Variants in PIK3C2G observed in about 807,000 individuals in gnomAD.
The protein encoded by PIK3C2G is phosphatidylinositol 3-kinase C2 domain-containing subunit gamma.
In PIK3C2G, 168 loss-of-function variants were observed where a neutral mutation model predicts 181.1. The observed-to-expected ratio is 0.93, with a 90% confidence interval of 0.82 to 1.05. The LOEUF is 1.05. PIK3C2G is among the 50% of genes least tolerant of loss of function. The probability of loss-of-function intolerance (pLI) is 0.00; values close to 1 mark genes in which losing one functional copy is unlikely to be tolerated. For missense variants in PIK3C2G, 1,869 were observed against 1,732.8 expected (o/e 1.08, Z -1.40); for synonymous variants, 573 against 592.2 (o/e 0.97, Z 0.47).
At chr12:18,394,988 TTTC>T (rs1943767541) in intron 15 of PIK3C2G, among the ~76,000 whole-genome samples, 2 of 151,552 alleles carry the variant, frequency 1.3e-5, no homozygotes, top group Non-Finnish European at 3.0e-5. Flanking sequence ...CCTTTCTTTC[TTTC>T]TTTTCTTTCT....
chr12:18,529,390 T>C (rs1943423461), intron 24 of PIK3C2G, among the ~76,000 whole-genome samples: 1 of 152,178 alleles, frequency 6.6e-6, no homozygotes, highest in Admixed American at 6.6e-5. Flanking sequence ...GTTAAGCTCA[T>C]GTAAGTTAAA....
intron 16 of PIK3C2G, among the ~76,000 whole-genome samples, chr12:18,400,657 T>A (rs1024270061): frequency 1.4e-4 from 22 of 152,034 alleles, no homozygotes; most frequent in African/African-American, 5.3e-4. Context: ...CTTTTAAAGA[T>A]TTATTTACCA....
chr12:18,614,207 G>A (rs1008721986), intron 31 of PIK3C2G, among the ~76,000 whole-genome samples: 2 of 151,890 alleles, frequency 1.3e-5, no homozygotes, highest in Non-Finnish European at 2.9e-5. Flanking sequence ...TCCAGAGTTG[G>A]CCCATTTTGA....
chr12:18,506,899 G>A (rs1941871648), intron 24 of PIK3C2G, among the ~76,000 whole-genome samples: 1 of 151,918 alleles, frequency 6.6e-6, no homozygotes, highest in Non-Finnish European at 1.5e-5. Context: ...CCATAACCTG[G>A]CATTAAAATG....
chr12:18,440,733 G>A (rs1365747758), intron 18 of PIK3C2G, among the ~76,000 whole-genome samples: 1 of 151,898 alleles, frequency 6.6e-6, no homozygotes, highest in Non-Finnish European at 1.5e-5. Context: ...TAGGGGTAAG[G>A]GCAGGTTATA....
intron 18 of PIK3C2G, among the ~76,000 whole-genome samples, chr12:18,485,508 G>A (rs1939938963): frequency 6.6e-6 from 1 of 152,060 alleles, no homozygotes; most frequent in Non-Finnish European, 1.5e-5. Flanking sequence ...ACTTAATACT[G>A]TCAAAATCTT....
At chr12:18,459,054 G>A (rs1592312382) in intron 18 of PIK3C2G, among the ~76,000 whole-genome samples, 1 of 152,026 alleles carries the variant, frequency 6.6e-6, no homozygotes, top group Admixed American at 6.6e-5. Flanking sequence ...CTGGACTTCT[G>A]ACTTACAGAA....
Position 18,385,818 on chromosome 12 carries a change from G to A in PIK3C2G, c.1995+3938G>A, listed in dbSNP as rs145491701. Among the ~76,000 whole-genome samples the A allele has an allele frequency of 3.0e-3, 452 of 152,040 alleles. 2 individuals are homozygous for A. Among genetic ancestry groups the A allele is most frequent in the African/African-American group, 9.9e-3 (409 of 41,478 alleles). On this transcript the variant is annotated intron_variant, in intron 14 of 32. Transcript: ENST00000538779. ...TGACCTCAGGTAATCCACCTATCTC[G>A]GACCCCCAAAGTGCTGGGATCTATG...
chr12:18,701,707 C>G, the PIK3C2G span: 5 of 1,611,774 alleles, frequency 3.1e-6, no homozygotes, highest in Admixed American at 1.7e-5. Flanking sequence ...TTATCAGAAC[C>G]TTTTCTTTCA....
At chr12:18,627,855 C>T (rs1037553834) in intron 31 of PIK3C2G, among the ~76,000 whole-genome samples, 2 of 152,082 alleles carry the variant, frequency 1.3e-5, no homozygotes, top group African/African-American at 4.8e-5. Flanking sequence ...AGTTGATTTC[C>T]ACTAAAGCTT....
At position 18,313,956 on chromosome 12, in the gene PIK3C2G, CT is replaced by C; in HGVS notation, c.1035-4del. ...ATATGATTGTGTTCATTTTTTCCTC[CT>C]TCAGCGACCACTGTTTGGGGAGCCA... On this transcript the variant is annotated splice_polypyrimidine_tract_variant and splice_region_variant and intron_variant, in intron 5 of 32. Transcript: ENST00000538779. 6.7e-7 allele frequency: 1 copy of C among 1,496,758 alleles called. No individual in the cohort carries two copies. The highest frequency in any genetic ancestry group is 1.4e-5 in the African/African-American group (1 of 72,478). 92.7% of individuals were successfully genotyped at this position (1,496,758 alleles called of 1,614,324 possible).
chr12:18,379,749 C>T (rs1272982765), intron 13 of PIK3C2G, among the ~76,000 whole-genome samples: 1 of 152,118 alleles, frequency 6.6e-6, no homozygotes, highest in Non-Finnish European at 1.5e-5. Flanking sequence ...CCTGGCAAGC[C>T]CTGGGTGACT....
At chr12:18,412,735 C>T (rs772329960) in intron 16 of PIK3C2G, among the ~76,000 whole-genome samples, 1 of 152,120 alleles carries the variant, frequency 6.6e-6, no homozygotes, top group Non-Finnish European at 1.5e-5. Flanking sequence ...TCTTTGAAGT[C>T]TTCAATAATT....
At chr12:18,650,700 GTGTGTA>G (rs1950438760), downstream of PIK3C2G, among the ~76,000 whole-genome samples, 2 of 43,840 alleles carry the variant, frequency 4.6e-5, no homozygotes, top group East Asian at 1.2e-3. Context: ...GTGTGTGTGT[GTGTGTA>G]TATATCTATA....
At chr12:18,353,584 G>C (rs925780801) in intron 11 of PIK3C2G, among the ~76,000 whole-genome samples, 2 of 152,112 alleles carry the variant, frequency 1.3e-5, no homozygotes, top group Non-Finnish European at 2.9e-5. Flanking sequence ...CTTGCATGGT[G>C]GCCATTAAAG....
chr12:18,397,155 C>T (rs1192483053), intron 15 of PIK3C2G, among the ~76,000 whole-genome samples: 1 of 151,756 alleles, frequency 6.6e-6, no homozygotes, highest in Non-Finnish European at 1.5e-5. Flanking sequence ...TTGACAAGGC[C>T]ACCCATGCAA....
intron 26 of PIK3C2G, among the ~76,000 whole-genome samples, chr12:18,556,724 A>G (rs1323510176): frequency 1.3e-5 from 2 of 152,280 alleles, no homozygotes; most frequent in Admixed American, 1.3e-4. Flanking sequence ...ATGTCTTTAA[A>G]GTGCTGATGA....
intron 30 of PIK3C2G, among the ~76,000 whole-genome samples, chr12:18,608,589 G>A (rs1163513731): frequency 6.6e-6 from 1 of 151,372 alleles, no homozygotes; most frequent in Non-Finnish European, 1.5e-5. Context: ...AATAGCATTA[G>A]GAGATATACC....
chr12:18,693,773 CA>C, the PIK3C2G span: 6 of 1,514,636 alleles, frequency 4.0e-6, no homozygotes, highest in African/African-American at 1.4e-5. Context: ...GGCCACAAAC[CA>C]AATAGAAACT....
Sources: gnomAD v4.1 joint callset for allele counts (sites outside exome capture counted in the v4.1 genomes callset) on GRCh38, gnomAD v4.1.1 for gene constraint, MANE v1.5 for transcripts, NCBI Gene and HGNC (gene_info 2026-07-23, HGNC 2026-07-21) for gene names.